The following TFDP2 variants were observed in gnomAD, a reference collection of about 807,000 sequenced individuals.
TFDP2 encodes the protein transcription factor Dp-2 (E2F dimerization partner 2).
Under a neutral mutation model 59.3 loss-of-function variants are expected in TFDP2, and 17 were observed. That is an observed-to-expected ratio of 0.29 (90% CI 0.20 to 0.43). The LOEUF (loss-of-function observed/expected upper bound fraction) is 0.43. TFDP2 is among the 20% of genes least tolerant of loss of function. The pLI, the probability that TFDP2 is intolerant of heterozygous loss-of-function variation, is 1.00. For synonymous variants in TFDP2, 180 were observed against 194.7 expected, an observed-to-expected ratio of 0.92 and a Z score of 0.63; for missense variants, 391 against 528.8, an observed-to-expected ratio of 0.74 and a Z score of 2.56.
At chr3:142,024,383 AATTCATAATAT>A (rs1226770544) in intron 3 of TFDP2, among the ~76,000 whole-genome samples, 1 of 152,176 alleles carries the variant, frequency 6.6e-6, no homozygotes, top group Non-Finnish European at 1.5e-5. Flanking sequence ...AAACATAGTT[AATTCATAATAT>A]ACTCAAAGCA....
intron 3 of TFDP2, among the ~76,000 whole-genome samples, chr3:142,032,099 T>TC (rs1946457430): frequency 6.7e-6 from 1 of 149,854 alleles, no homozygotes; most frequent in South Asian, 2.1e-4. Context: ...TCTCTCTCTC[T>TC]CTTTTTTTTT....
chr3:142,025,750 C>G (rs1320347949), intron 3 of TFDP2, among the ~76,000 whole-genome samples: 1 of 152,082 alleles, frequency 6.6e-6, no homozygotes, highest in African/African-American at 2.4e-5. Context: ...TTAAGATAAG[C>G]AAAATGTACA....
At chr3:142,124,767 A>C (rs56160830) in intron 1 of TFDP2, among the ~76,000 whole-genome samples, 7,111 of 152,288 alleles carry the variant, frequency 0.047, 590 homozygotes, top group African/African-American at 0.16. Context: ...GTAAATCATA[A>C]GAAAATAAAC....
chr3:142,134,195 C>G (rs996410004), intron 1 of TFDP2, among the ~76,000 whole-genome samples: 2 of 151,338 alleles, frequency 1.3e-5, no homozygotes, highest in Admixed American at 1.3e-4. Flanking sequence ...CAGAGGTGGG[C>G]GAAATTAGCT....
intron 3 of TFDP2, among the ~76,000 whole-genome samples, chr3:142,040,129 A>G (rs1327202923): frequency 6.6e-6 from 1 of 151,976 alleles, no homozygotes; most frequent in Non-Finnish European, 1.5e-5. Context: ...ACACACACAC[A>G]CACACACACA....
intron 3 of TFDP2, among the ~76,000 whole-genome samples, chr3:142,088,257 T>C (rs1052631212): frequency 6.6e-6 from 1 of 152,226 alleles, no homozygotes; most frequent in East Asian, 1.9e-4. Context: ...CTCACATCTA[T>C]ACTGTTTTCC....
chr3:142,124,700 C>A (rs1051417544), intron 1 of TFDP2, among the ~76,000 whole-genome samples: 17 of 152,022 alleles, frequency 1.1e-4, no homozygotes, highest in African/African-American at 3.6e-4. Context: ...AAAGTAAAGA[C>A]TGATATGACT....
chr3:141,992,123 A>T lies in TFDP2; in HGVS notation c.356+1415T>A, dbSNP rs534282741. Among the ~76,000 whole-genome samples the T allele has an allele frequency of 3.4e-4, 51 of 152,000 alleles. 2 individuals carry two copies. The highest frequency in any genetic ancestry group is 6.8e-3 in the Middle Eastern group (2 of 294). Reference sequence around the variant, plus strand: ...GAAAGAAAGAAGAAAAAAAAAGCATAAAGAAAAAAATGAAACACCACTGTG... The same window carrying T: ...GAAAGAAAGAAGAAAAAAAAAGCATTAAGAAAAAAATGAAACACCACTGTG... On this transcript the variant is annotated intron_variant, in intron 6 of 12. Coordinates refer to ENST00000489671, the MANE Select transcript of TFDP2 (RefSeq NM_001178139.2).
intron 3 of TFDP2, among the ~76,000 whole-genome samples, chr3:142,015,609 G>A (rs146434334): frequency 3.3e-5 from 5 of 151,948 alleles, no homozygotes; most frequent in Non-Finnish European, 2.9e-5. Context: ...CTCTGGTCCC[G>A]GCCAACATCT....
At chr3:142,130,744 C>T (rs1357192274) in intron 1 of TFDP2, among the ~76,000 whole-genome samples, 1 of 151,894 alleles carries the variant, frequency 6.6e-6, no homozygotes, top group African/African-American at 2.4e-5. Flanking sequence ...TAACACTGAA[C>T]TGTGTACTTA....
intron 4 of TFDP2, among the ~76,000 whole-genome samples, chr3:142,004,057 T>C (rs1291794886): frequency 6.6e-6 from 1 of 152,202 alleles, no homozygotes; most frequent in African/African-American, 2.4e-5. Context: ...CTTTATCTCA[T>C]TTGCACCTAT....
intron 1 of TFDP2, among the ~76,000 whole-genome samples, chr3:142,146,645 A>G (rs1033868611): frequency 3.3e-5 from 5 of 152,206 alleles, no homozygotes; most frequent in Non-Finnish European, 5.9e-5. Context: ...ATGCTTTAAA[A>G]TTAGAGAGGT....
At chr3:142,134,712 T>C (rs2062655430) in intron 1 of TFDP2, among the ~76,000 whole-genome samples, 1 of 152,082 alleles carries the variant, frequency 6.6e-6, no homozygotes, top group African/African-American at 2.4e-5. Flanking sequence ...GGAAGAAGTA[T>C]TAAATAAGTC....
intron 3 of TFDP2, among the ~76,000 whole-genome samples, chr3:142,073,458 C>CG (rs543977655): frequency 9.9e-4 from 11 of 11,118 alleles, no homozygotes; most frequent in African/African-American, 3.4e-3. Flanking sequence ...AAACAAACAA[C>CG]CCCCCCCCCC....
At position 141,957,751 on chromosome 3, in the gene TFDP2, G is replaced by A. The variant is rs112117794; in HGVS notation, c.1051+1923C>T. On this transcript the variant is annotated intron_variant, in intron 11 of 12. Transcript: ENST00000489671. ...CTGTAGGGTTCCATTCACATAAAGCGTCTTTCTAGAATAGGCAAATCCATA... is the reference window on the plus strand; with the variant it reads ...CTGTAGGGTTCCATTCACATAAAGCATCTTTCTAGAATAGGCAAATCCATA... Among the ~76,000 whole-genome samples, 712 of 152,296 alleles carry A rather than the reference G, an allele frequency of 4.7e-3. 6 individuals are homozygous for A. Among genetic ancestry groups the A allele is most frequent in the African/African-American group, 0.016 (663 of 41,576 alleles).
intron 3 of TFDP2, among the ~76,000 whole-genome samples, chr3:142,060,153 CCTTT>C (rs2059870527): frequency 6.6e-6 from 1 of 152,108 alleles, no homozygotes; most frequent in Admixed American, 6.6e-5. Flanking sequence ...TTACTGTTCT[CCTTT>C]CTGACTGTCT....
At chr3:142,136,191 T>A (rs959955507) in intron 1 of TFDP2, among the ~76,000 whole-genome samples, 1 of 152,164 alleles carries the variant, frequency 6.6e-6, no homozygotes, top group Non-Finnish European at 1.5e-5. Flanking sequence ...GCTGGCTGCA[T>A]AGATGTCTTC....
At chr3:141,977,260 G>T (rs1256110566) in intron 7 of TFDP2, among the ~76,000 whole-genome samples, 1 of 149,392 alleles carries the variant, frequency 6.7e-6, no homozygotes, top group Non-Finnish European at 1.5e-5. Context: ...ACTGCACCTC[G>T]CTAATTTAAA....
At chr3:142,069,860 C>T (rs1279417167) in intron 3 of TFDP2, among the ~76,000 whole-genome samples, 1 of 151,982 alleles carries the variant, frequency 6.6e-6, no homozygotes, top group East Asian at 1.9e-4. Context: ...CCGCCCACCT[C>T]AGCCTCTCAA....
Sources: allele counts gnomAD v4.1 joint callset (sites outside exome capture counted in the v4.1 genomes callset), GRCh38; gene constraint gnomAD v4.1.1; transcripts MANE v1.5; gene names NCBI Gene and HGNC (gene_info 2026-07-23, HGNC 2026-07-21).